Variants in CHIA observed in about 807,000 individuals in gnomAD.
CHIA encodes the protein acidic mammalian chitinase.
A neutral mutation model predicts 53.5 loss-of-function variants in CHIA; 47 were observed. The observed-to-expected ratio is 0.88, with a 90% CI of 0.70 to 1.12. CHIA has a LOEUF of 1.12. CHIA is among the 50% of genes most tolerant of loss of function. The pLI, the probability that CHIA is intolerant of heterozygous loss-of-function variation, is 0.00. For missense variants in CHIA, 652 were observed against 592.2 expected, an observed-to-expected ratio of 1.10 and a Z score of -1.05; for synonymous variants, 268 against 222.2, an observed-to-expected ratio of 1.21 and a Z score of -1.83.
chr1:111,312,094 AG>A, intron 3 of CHIA, 95 bp from the exon 4 acceptor site: 3 of 907,216 alleles, frequency 3.3e-6, no homozygotes, highest in Non-Finnish European at 5.5e-6. Flanking sequence ...CAGGCATCTG[AG>A]GCACAGGGAG....
At position 111,314,182 on chromosome 1, in the gene CHIA, T is replaced by C. The variant is rs1295021507; in HGVS notation, c.258-358T>C. On this transcript the variant is annotated intron_variant, in intron 4 of 11. Coordinates refer to ENST00000369740, the MANE Select transcript of CHIA (RefSeq NM_201653.4). ...TCAAGCCAATTAATTTATTTTAACA[T>C]TACAGAGGCTAAAAATGTAATTAAG... Among the ~76,000 whole-genome samples the C allele has an allele frequency of 2.0e-5, 3 of 152,138 alleles. No homozygotes were observed. In the East Asian group the frequency reaches 5.8e-4, roughly 29 times the overall value.
Position 111,312,231 on chromosome 1 carries a change from C to A in CHIA, c.97C>A (p.Gln33Lys), listed in dbSNP as rs1486995260. 1 of 1,614,004 alleles carries A rather than the reference C, an allele frequency of 6.2e-7. No homozygotes were observed. The highest frequency in any genetic ancestry group is 8.5e-7 in the Non-Finnish European group (1 of 1,180,016). ...QLTCYFTNWA[Q>K]YRPGLGRFMP... ...GACATGCTACTTCACCAACTGGGCC[C>A]AGTACCGGCCAGGCCTGGGGCGCTT... Residue 33 changes from glutamine to lysine, a missense_variant, in exon 4 of 12, where the codon CAG (glutamine) becomes AAG (lysine). Gln to Lys is a moderately conservative substitution (Grantham distance 53). Coordinates refer to ENST00000369740, the MANE Select transcript of CHIA (RefSeq NM_201653.4).
At chr1:111,313,479 C>A (rs1322586073) in intron 4 of CHIA, among the ~76,000 whole-genome samples, 1 of 152,040 alleles carries the variant, frequency 6.6e-6, no homozygotes, top group Non-Finnish European at 1.5e-5. Flanking sequence ...GTCCTTGGCC[C>A]ATTTTTTAAT....
In CHIA at chr1:111,320,204, A is replaced by G. The variant is rs370014119; in HGVS notation, c.1178-9A>G. On this transcript the variant is annotated splice_polypyrimidine_tract_variant and intron_variant, in intron 11 of 11. Coordinates refer to ENST00000369740, the MANE Select transcript of CHIA (RefSeq NM_201653.4). ...CCCACTAGTCTGCTCTTACTGCTGT[A>G]TGTTTCAGGTTGCACGGCTCCAGCT... 6 of 1,611,826 alleles carry G rather than the reference A, an allele frequency of 3.7e-6. No homozygotes were observed. The highest frequency in any genetic ancestry group is 3.3e-5 in the South Asian group (3 of 90,922).
chr1:111,312,185 C>A lies in CHIA; in HGVS notation c.56-5C>A, dbSNP rs766000740. The stretch of plus-strand genomic sequence containing the variant: ...GCCATTGTCCCTCCTGCTGACTACA[C>A]ACAGGCTCTGCCTACCAGCTGACAT... On this transcript the variant is annotated splice_polypyrimidine_tract_variant and splice_region_variant and intron_variant, in intron 3 of 11. Coordinates refer to ENST00000369740, the MANE Select transcript of CHIA (RefSeq NM_201653.4). The A allele has an allele frequency of 7.4e-6, 12 of 1,613,058 alleles. No individual in the cohort carries two copies. The highest frequency in any genetic ancestry group is 4.4e-5 in the South Asian group (4 of 91,074).
chr1:111,317,747 G>T lies in CHIA; in HGVS notation c.547G>T (p.Ala183Ser), dbSNP rs768063232. 3 of 1,613,802 alleles carry T rather than the reference G, an allele frequency of 1.9e-6. No homozygotes were observed. The highest frequency in any genetic ancestry group is 2.5e-6 in the Non-Finnish European group (3 of 1,180,034). ...INKPRLMVTAAVAAGISNIQS... is the reference protein window; with the variant it reads ...INKPRLMVTASVAAGISNIQS... ...CAAGCCCAGGCTGATGGTCACTGCT[G>T]CAGTAGCTGCTGGCATCTCCAATAT... The change falls in exon 7 of 12, where the codon GCA becomes TCA. Residue 183 changes from alanine to serine, a missense_variant. By Grantham distance (99) the Ala-to-Ser change is moderately conservative. Transcript: ENST00000369740.
rs751186182 is a variant in CHIA at position 111,315,325 on chromosome 1, A to G, written c.370A>G (p.Ile124Val). Residue 124 changes from isoleucine to valine, a missense_variant, in exon 6 of 12, where the codon ATC becomes GTC. Coordinates refer to ENST00000369740, the MANE Select transcript of CHIA (RefSeq NM_201653.4). ...ENRQTFITSV[I>V]KFLRQYEFDG... ...CCGCCAGACTTTCATCACCTCAGTC[A>G]TCAAATTCCTGCGCCAGTATGAGTT... The G allele has an allele frequency of 4.3e-6, 7 of 1,613,450 alleles. No individual in the cohort carries two copies. Among genetic ancestry groups the G allele is most frequent in the Middle Eastern group, 1.7e-4 (1 of 5,730 alleles).
intron 8 of CHIA, among the ~76,000 whole-genome samples, 177 bp from the exon 9 acceptor site, chr1:111,318,316 T>C (rs1649340225): frequency 6.6e-6 from 1 of 152,188 alleles, no homozygotes; most frequent in Non-Finnish European, 1.5e-5. Flanking sequence ...CTTAAACAAC[T>C]GTCCTCAAGT....
intron 6 of CHIA, 28 bp downstream of exon 6, chr1:111,315,463 C>A (rs761469474): frequency 6.3e-7 from 1 of 1,596,732 alleles, no homozygotes; most frequent in Non-Finnish European, 8.5e-7. Flanking sequence ...AGTCTTTAGC[C>A]CAAAAAGATT....
chr1:111,320,433 C>T lies in CHIA; in HGVS notation c.1398C>T (p.Phe466=), dbSNP rs544028644. 1.4e-5 allele frequency: 23 copies of T among 1,614,034 alleles called. No homozygotes were observed. Among genetic ancestry groups the T allele is most frequent in the Admixed American group, 1.2e-4 (7 of 59,998 alleles). Residue 466 remains phenylalanine, a synonymous_variant, in exon 12 of 12, where the codon TTC becomes TTT. Coordinates refer to ENST00000369740, the MANE Select transcript of CHIA (RefSeq NM_201653.4). The part of the protein sequence containing the change: ...YQQNCQAGLV[F]DTSCDCCNWA ...AGAACTGCCAGGCCGGGCTTGTCTT[C>T]GACACCAGCTGTGATTGCTGCAACT...
chr1:111,303,765 G>A (rs1190063623), intron 1 of CHIA, among the ~76,000 whole-genome samples: 12 of 152,146 alleles, frequency 7.9e-5, no homozygotes, highest in Non-Finnish European at 1.6e-4. Flanking sequence ...AACAAAAAGT[G>A]GAGTTACAAG....
chr1:111,319,368 C>G lies in CHIA; in HGVS notation c.1077C>G (p.Val359=). 6.2e-7 allele frequency: 1 copy of G among 1,614,216 alleles called. No individual in the cohort carries two copies. The highest frequency in any genetic ancestry group is 1.1e-5 in the South Asian group (1 of 91,088). Residue 359 remains valine (V), a synonymous_variant, in exon 11 of 12, where the codon GTC becomes GTG. Coordinates refer to ENST00000369740, the MANE Select transcript of CHIA (RefSeq NM_201653.4). ...LKHNKFGGAM[V]WAIDLDDFTG... is the part of the protein sequence containing the mutation. ...ACAACAAATTTGGAGGCGCCATGGTCTGGGCCATTGATCTGGATGACTTCA... is the reference window on the plus strand; with the variant it reads ...ACAACAAATTTGGAGGCGCCATGGTGTGGGCCATTGATCTGGATGACTTCA...
chr1:111,295,962 C>T (rs1571261423), intron 1 of CHIA, among the ~76,000 whole-genome samples: 1 of 152,216 alleles, frequency 6.6e-6, no homozygotes, highest in Admixed American at 6.5e-5. Context: ...TCACTGCTAG[C>T]GCAGCAGTCT....
rs1310988998 is a variant in CHIA at position 111,312,279 on chromosome 1, T to TG, written c.146dup (p.Cys49TrpfsTer25). On this transcript the variant is annotated frameshift_variant, in exon 4 of 12. Coordinates refer to ENST00000369740, the MANE Select transcript of CHIA (RefSeq NM_201653.4). LOFTEE classifies it high-confidence loss of function. Reference sequence around the variant, plus strand: ...CTTCATGCCTGACAACATCGACCCCTGCCTCTGTACCCACCTGATCTACGC... The same window carrying TG: ...CTTCATGCCTGACAACATCGACCCCTGGCCTCTGTACCCACCTGATCTACGC... 1 of 1,613,808 alleles carries TG rather than the reference T, an allele frequency of 6.2e-7. No homozygotes were observed. The highest frequency in any genetic ancestry group is 1.3e-5 in the African/African-American group (1 of 74,870).
intron 1 of CHIA, among the ~76,000 whole-genome samples, chr1:111,306,038 A>G (rs1284597183): frequency 1.3e-4 from 20 of 152,340 alleles, no homozygotes; most frequent in East Asian, 1.9e-4. Context: ...GTGAAAGACT[A>G]CTATGGAGAA....
chr1:111,313,587 C>T (rs1192103666), intron 4 of CHIA, among the ~76,000 whole-genome samples: 2 of 152,160 alleles, frequency 1.3e-5, no homozygotes, highest in Non-Finnish European at 2.9e-5. Context: ...CAACTATTTT[C>T]TCCCATTCCA....
intron 1 of CHIA, 77 bp from the exon 2 acceptor site, chr1:111,310,323 G>A: frequency 6.8e-7 from 1 of 1,477,144 alleles, no homozygotes; most frequent in Non-Finnish European, 9.0e-7. Flanking sequence ...GTCTTGGGAG[G>A]GTGTTTGTAG....
intron 4 of CHIA, among the ~76,000 whole-genome samples, chr1:111,314,063 C>A (rs553032010): frequency 6.6e-5 from 10 of 152,054 alleles, no homozygotes; most frequent in Non-Finnish European, 8.8e-5. Flanking sequence ...GGCGATAAAC[C>A]CAGATTTTTC....
chr1:111,296,840 G>A (rs568386311), intron 1 of CHIA, among the ~76,000 whole-genome samples: 7 of 152,284 alleles, frequency 4.6e-5, no homozygotes, highest in Admixed American at 2.0e-4. Context: ...AAGGTTAGAC[G>A]AATGGCTAAC....
Sources: gnomAD v4.1 joint callset for allele counts (sites outside exome capture counted in the v4.1 genomes callset) on GRCh38, gnomAD v4.1.1 for gene constraint, MANE v1.5 for transcripts, NCBI Gene and HGNC (gene_info 2026-07-23, HGNC 2026-07-21) for gene names.